The following SPC24 variants were observed in gnomAD, a reference collection of about 807,000 sequenced individuals.
The protein encoded by SPC24 is SPC24 component of NDC80 kinetochore complex, also known as kinetochore protein Spc24.
In SPC24, 31 loss-of-function variants were observed where a neutral mutation model predicts 27.6. The observed-to-expected ratio is 1.12, with a 90% CI of 0.84 to 1.52. The LOEUF is 1.52. SPC24 is among the 40% of genes most tolerant of loss of function. SPC24 has a pLI of 0.00. For missense variants in SPC24, 284 were observed against 252.5 expected, an observed-to-expected ratio of 1.12 and a Z score of -0.84; for synonymous variants, 105 against 105.8, an observed-to-expected ratio of 0.99 and a Z score of 0.05.
intron 1 of SPC24, among the ~76,000 whole-genome samples, chr19:11,151,331 G>A (rs957558492): frequency 3.9e-5 from 6 of 152,054 alleles, no homozygotes; most frequent in Non-Finnish European, 8.8e-5. Flanking sequence ...CCACTTTCAA[G>A]TTTTAGCTGT....
At chr19:11,147,966 G>C in intron 3 of SPC24, 47 bp downstream of exon 3, 1 of 1,598,728 alleles carries the variant, frequency 6.3e-7, no homozygotes, top group African/African-American at 1.3e-5. Context: ...CCAAGAGCCG[G>C]ACTGCACAAG....
At position 11,147,064 on chromosome 19, in the gene SPC24, G is replaced by C; in HGVS notation, c.*119C>G. ...CATTGCACTCCAGACTGGACAACAA[G>C]AGTGAAACTCTGTCTCAAAAAAAAA... On this transcript the variant is annotated 3_prime_UTR_variant, in exon 5 of 5. Transcript: ENST00000592540. The C allele has an allele frequency of 1.6e-6, 1 of 613,040 alleles. No homozygotes were observed. Among genetic ancestry groups the C allele is most frequent in the East Asian group, 3.1e-5 (1 of 32,188 alleles). The allele number at this position is 613,040 out of a possible 1,614,324, so 38.0% of individuals were successfully genotyped here.
intron 1 of SPC24, among the ~76,000 whole-genome samples, chr19:11,150,471 G>A (rs1421324401): frequency 1.3e-5 from 2 of 151,056 alleles, no homozygotes; most frequent in East Asian, 3.9e-4. Context: ...GGGCGATAGA[G>A]CAAGACTCCA....
rs2077819555 is a variant in SPC24 at position 11,145,816 on chromosome 19, A to T, written c.*1367T>A. The T allele has an allele frequency of 6.6e-6, 1 of 152,208 alleles. No individual in the cohort carries two copies. Among genetic ancestry groups the T allele is most frequent in the Admixed American group, 6.5e-5 (1 of 15,272 alleles). 9.4% of individuals were successfully genotyped at this position (152,208 alleles called of 1,614,324 possible). A position where few individuals can be genotyped will look rare whatever the true frequency, so the allele number is the denominator to read the frequency against. On this transcript the variant is annotated 3_prime_UTR_variant, in exon 5 of 5. Coordinates refer to ENST00000592540, the MANE Select transcript of SPC24 (RefSeq NM_182513.4). ...GAAGTGTCATGTAACATTTCCACAT[A>T]CATTTCACTGGCCAGACCTTAACTA...
intron 1 of SPC24, 36 bp from the exon 2 acceptor site, chr19:11,149,274 G>A: frequency 6.9e-7 from 1 of 1,451,512 alleles, no homozygotes; most frequent in Non-Finnish European, 9.1e-7. Context: ...CCTAGGGTCT[G>A]TCCTTCCCCA....
chr19:11,154,764 G>A (rs544973483), intron 1 of SPC24, among the ~76,000 whole-genome samples: 2 of 152,252 alleles, frequency 1.3e-5, no homozygotes, highest in East Asian at 1.9e-4. Context: ...AAGGGGATGG[G>A]GAGTGAGTGT....
At chr19:11,147,506 A>C (rs2077835884) in intron 4 of SPC24, 2 of 571,420 alleles carry the variant, frequency 3.5e-6, no homozygotes, top group Admixed American at 6.1e-5. Context: ...GACTACAGGC[A>C]TATGCCACCA....
chr19:11,151,902 C>T lies in SPC24; in HGVS notation c.161-2664G>A, dbSNP rs570431651. On this transcript the variant is annotated intron_variant, in intron 1 of 4. Transcript: ENST00000592540. ...GGATTACAGGTGTGAGCCACCGCAC[C>T]AGGCCTTTTTTTTTTTTTAAACTTT... 4.8e-5 allele frequency among the ~76,000 whole-genome samples: 7 copies of T among 144,582 alleles called. No individual in the cohort carries two copies. The East Asian group carries it at 1.4e-3, about 29-fold the overall frequency. 94.9% of individuals were successfully genotyped at this position (144,582 alleles called of 152,430 possible).
intron 1 of SPC24, among the ~76,000 whole-genome samples, chr19:11,153,009 GCCT>G (rs1021198940): frequency 6.6e-6 from 1 of 150,548 alleles, no homozygotes; most frequent in Non-Finnish European, 1.5e-5. Context: ...CTCAGCCCAG[GCCT>G]CCTCATAAAA....
chr19:11,155,636 A>G lies in SPC24; in HGVS notation c.141T>C (p.Gly47=). Residue 47 remains glycine, a synonymous_variant, in exon 1 of 5, where the codon GGT becomes GGC. Transcript: ENST00000592540. The part of the protein sequence containing the change: ...VVERLLETQD[G]AEKQLREILT... Reference sequence around the variant, plus strand: ...CCTCACCTCGCAGCTGCTTCTCGGCACCGTCTTGCGTTTCCAGCAGCCGCT... The same window carrying G: ...CCTCACCTCGCAGCTGCTTCTCGGCGCCGTCTTGCGTTTCCAGCAGCCGCT... 1 of 1,548,958 alleles carries G rather than the reference A, an allele frequency of 6.5e-7. No homozygotes were observed. Among genetic ancestry groups the G allele is most frequent in the East Asian group, 2.4e-5 (1 of 41,316 alleles).
chr19:11,152,744 CA>C (rs1167532820), intron 1 of SPC24, among the ~76,000 whole-genome samples: 1 of 151,900 alleles, frequency 6.6e-6, no homozygotes, highest in Non-Finnish European at 1.5e-5. Flanking sequence ...CTCAAGCCAT[CA>C]AAGGAGGGGG....
At chr19:11,148,442 AAC>A (rs2077845974) in intron 2 of SPC24, among the ~76,000 whole-genome samples, 1 of 152,026 alleles carries the variant, frequency 6.6e-6, no homozygotes, top group Admixed American at 6.6e-5. Context: ...TCCTGACCTC[AAC>A]TGATCTGTCT....
At chr19:11,153,701 A>C (rs1172478687) in intron 1 of SPC24, among the ~76,000 whole-genome samples, 1 of 150,030 alleles carries the variant, frequency 6.7e-6, no homozygotes, top group East Asian at 1.9e-4. Context: ...CATAGGTCGC[A>C]GTGAGCAGAG....
intron 1 of SPC24, among the ~76,000 whole-genome samples, chr19:11,151,305 C>T (rs971069816): frequency 4.6e-5 from 7 of 152,166 alleles, no homozygotes; most frequent in Admixed American, 2.0e-4. Flanking sequence ...CAAGCCTCTC[C>T]GTCCCTCTGA....
intron 2 of SPC24, among the ~76,000 whole-genome samples, chr19:11,148,322 C>A (rs538529251): frequency 9.2e-5 from 14 of 151,626 alleles, no homozygotes; most frequent in African/African-American, 3.4e-4. Flanking sequence ...ATTCTGGAGC[C>A]CCTGCCTACC....
At chr19:11,153,741 C>T (rs1568633717) in intron 1 of SPC24, among the ~76,000 whole-genome samples, 2 of 132,676 alleles carry the variant, frequency 1.5e-5, no homozygotes, top group African/African-American at 3.0e-5. Flanking sequence ...GCCTGAGCAG[C>T]GGAGTAAGAC....
intron 1 of SPC24, among the ~76,000 whole-genome samples, chr19:11,152,984 A>G (rs1022572667): frequency 6.6e-6 from 1 of 152,004 alleles, no homozygotes; most frequent in Non-Finnish European, 1.5e-5. Flanking sequence ...GACTGGCTCC[A>G]TAGGCCAATC....
intron 1 of SPC24, among the ~76,000 whole-genome samples, chr19:11,155,112 G>A (rs2077901089): frequency 6.6e-6 from 1 of 152,154 alleles, no homozygotes; most frequent in Admixed American, 6.6e-5. Context: ...CTTGAACCCG[G>A]GAGGTGGAGG....
rs2077824422 is a variant in SPC24 at position 11,146,481 on chromosome 19, A to AAAAAAAAAAAAAAAAAAAAAAAAAAAAG, written c.*701_*702insCTTTTTTTTTTTTTTTTTTTTTTTTTTT. The AAAAAAAAAAAAAAAAAAAAAAAAAAAAG allele has an allele frequency of 6.8e-6, 1 of 147,014 alleles. No individual in the cohort carries two copies. The highest frequency in any genetic ancestry group is 2.5e-5 in the African/African-American group (1 of 39,930). The allele number at this position is 147,014 out of a possible 1,614,324, so 9.1% of individuals were successfully genotyped here. A position where few individuals can be genotyped will look rare whatever the true frequency, so the allele number is the denominator to read the frequency against. On this transcript the variant is annotated 3_prime_UTR_variant, in exon 5 of 5. Transcript: ENST00000592540. ...GAAATCCAGTAAAAAAAAAAAAAAA[A>AAAAAAAAAAAAAAAAAAAAAAAAAAAAG]AAGGCCAGGCGCGGTGACTCACACC...
Sources: gnomAD v4.1 joint callset for allele counts (sites outside exome capture counted in the v4.1 genomes callset) on GRCh38, gnomAD v4.1.1 for gene constraint, MANE v1.5 for transcripts, NCBI Gene and HGNC (gene_info 2026-07-23, HGNC 2026-07-21) for gene names.